ATP2B2: variants seen among roughly 807,000 people sequenced by gnomAD.
ATP2B2 encodes the protein ATPase plasma membrane Ca2+ transporting 2.
In ATP2B2, 15 loss-of-function variants were observed where a neutral mutation model predicts 120.0. The ratio of observed to expected loss-of-function variants is 0.12; its 90% CI spans 0.08 to 0.19. ATP2B2 has a LOEUF of 0.19. Among genes scored for constraint, ATP2B2 ranks in the 10% least tolerant of loss-of-function variants. The probability of loss-of-function intolerance (pLI) is 1.00; values close to 1 mark genes in which losing one functional copy is unlikely to be tolerated. For synonymous variants in ATP2B2, 694 were observed against 700.3 expected (o/e 0.99, Z 0.14); for missense variants, 1,045 against 1,719.8 (o/e 0.61, Z 6.94).
intron 3 of ATP2B2, among the ~76,000 whole-genome samples, chr3:10,406,922 T>C (rs780447682): frequency 3.3e-5 from 5 of 152,230 alleles, no homozygotes; most frequent in Non-Finnish European, 7.3e-5. Flanking sequence ...TGCTTTGTCA[T>C]CTGCTAAGAG....
At chr3:10,678,624 C>T (rs560584956) in intron 1 of ATP2B2, among the ~76,000 whole-genome samples, 3 of 152,280 alleles carry the variant, frequency 2.0e-5, no homozygotes, top group African/African-American at 4.8e-5. Flanking sequence ...TTAAGAGCTC[C>T]TGGAAGCAGG....
At chr3:10,331,812 G>A in intron 22 of ATP2B2, 1 of 552,978 alleles carries the variant, frequency 1.8e-6, no homozygotes. Context: ...GGTTTCGTCA[G>A]CACAAAGGGA....
At chr3:10,351,744 C>T (rs2060585047) in intron 14 of ATP2B2, among the ~76,000 whole-genome samples, 2 of 152,166 alleles carry the variant, frequency 1.3e-5, no homozygotes, top group Admixed American at 1.3e-4. Context: ...GGAATGGTGT[C>T]CTTATAAAGA....
chr3:10,693,907 G>A (rs71316416), intron 1 of ATP2B2, among the ~76,000 whole-genome samples: 4,985 of 152,262 alleles, frequency 0.033, 135 homozygotes, highest in South Asian at 0.13. Context: ...CTCTCTGGGC[G>A]TGGGACCATG....
At chr3:10,647,603 T>G (rs1184716139) in intron 1 of ATP2B2, among the ~76,000 whole-genome samples, 3 of 151,918 alleles carry the variant, frequency 2.0e-5, no homozygotes, top group Non-Finnish European at 4.4e-5. Flanking sequence ...CCTGGTAAGG[T>G]TTCGGAGAAT....
intron 2 of ATP2B2, among the ~76,000 whole-genome samples, chr3:10,537,742 G>A (rs1311225479): frequency 6.6e-6 from 1 of 152,138 alleles, no homozygotes; most frequent in African/African-American, 2.4e-5. Context: ...TGGCATCCTT[G>A]TCTTGTTCCC....
Position 10,695,070 on chromosome 3 carries a change from T to C in ATP2B2, c.-460+12845A>G, listed in dbSNP as rs114347100. On this transcript the variant is annotated intron_variant, in intron 1 of 21. Coordinates refer to the ATP2B2 transcript ENST00000646379. ...ACAGTGTCACTAGAAATGACACTGC[T>C]GTATGAGTCTGTTTTCATGCTGCCG... Among the ~76,000 whole-genome samples the C allele has an allele frequency of 4.9e-3, 744 of 152,240 alleles. 6 individuals are homozygous for C. Among genetic ancestry groups the C allele is most frequent in the African/African-American group, 0.017 (719 of 41,526 alleles).
At chr3:10,434,759 C>G (rs867625570) in intron 2 of ATP2B2, among the ~76,000 whole-genome samples, 42 of 152,244 alleles carry the variant, frequency 2.8e-4, no homozygotes, top group African/African-American at 7.7e-4. Flanking sequence ...TTTGATTTAT[C>G]TACTTATAGC....
At chr3:10,378,567 T>C (rs1375279218) in intron 9 of ATP2B2, among the ~76,000 whole-genome samples, 157 bp from the exon 10 acceptor site, 1 of 152,192 alleles carries the variant, frequency 6.6e-6, no homozygotes, top group Non-Finnish European at 1.5e-5. Context: ...AGAAGTCCTG[T>C]GATGGGGGCC....
rs949116871 is a variant in ATP2B2 at position 10,402,541 on chromosome 3, C to T, written c.398-193G>A. On this transcript the variant is annotated intron_variant, in intron 3 of 22. Transcript: ENST00000360273. This position sits in a 1 kb window ranked among gnomAD's most constrained non-coding sequence, Gnocchi z 4.9. ...CGCAGATCATCTCACAGGGTATTCC[C>T]GCTGCCCATTTCACAGATGTGGAAG... is the stretch of plus-strand genomic sequence containing the variant. Among the ~76,000 whole-genome samples, 34 of 152,262 alleles carry T rather than the reference C, an allele frequency of 2.2e-4. No individual in the cohort carries two copies. The highest frequency in any genetic ancestry group is 8.2e-4 in the African/African-American group (34 of 41,470).
intron 5 of ATP2B2, among the ~76,000 whole-genome samples, chr3:10,392,412 G>A (rs1209192651): frequency 1.3e-5 from 2 of 152,192 alleles, no homozygotes; most frequent in Non-Finnish European, 2.9e-5. Context: ...CAAAGGACTG[G>A]GGCATTCCCT....
At chr3:10,349,634 G>A (rs1354193560) in intron 16 of ATP2B2, among the ~76,000 whole-genome samples, 1 of 151,880 alleles carries the variant, frequency 6.6e-6, no homozygotes, top group Non-Finnish European at 1.5e-5. Context: ...GTTGGTTGGG[G>A]GCCTCAGGGA....
chr3:10,623,046 G>A (rs2069593819), intron 1 of ATP2B2, among the ~76,000 whole-genome samples: 1 of 147,968 alleles, frequency 6.8e-6, no homozygotes, highest in Admixed American at 6.9e-5. Context: ...GCCTGGCCTT[G>A]GTCAGCTCTT....
intron 1 of ATP2B2, among the ~76,000 whole-genome samples, chr3:10,678,747 T>C (rs980865758): frequency 6.6e-6 from 1 of 152,150 alleles, no homozygotes; most frequent in African/African-American, 2.4e-5. Context: ...GTGGGGATAA[T>C]AATAGTACCA....
chr3:10,340,367 G>A lies in ATP2B2; in HGVS notation c.3130-18C>T. On this transcript the variant is annotated intron_variant, in intron 20 of 22. Coordinates refer to ENST00000360273, the MANE Select transcript of ATP2B2 (RefSeq NM_001001331.4). This position sits in a 1 kb window ranked among gnomAD's most constrained non-coding sequence, Gnocchi z 5.0. ...ATCACTATCTGGAGGTCACAGGGGA[G>A]CAGAGAAAGAGAGAGAGAGAGGCCA... 2 of 1,613,480 alleles carry A rather than the reference G, an allele frequency of 1.2e-6. No homozygotes were observed. Among genetic ancestry groups the A allele is most frequent in the Non-Finnish European group, 1.7e-6 (2 of 1,179,472 alleles).
intron 3 of ATP2B2, among the ~76,000 whole-genome samples, chr3:10,404,884 A>G (rs561253165): frequency 3.5e-4 from 54 of 152,264 alleles, no homozygotes; most frequent in African/African-American, 1.3e-3. Flanking sequence ...TGCATTTTAC[A>G]AGACTTTTGT....
intron 1 of ATP2B2, among the ~76,000 whole-genome samples, chr3:10,458,088 C>T (rs1038894222): frequency 4.6e-5 from 7 of 152,004 alleles, no homozygotes; most frequent in Non-Finnish European, 8.8e-5. Flanking sequence ...TCTATCCATC[C>T]GTTCGTCCAT....
At position 10,343,779 on chromosome 3, in the gene ATP2B2, C is replaced by T. The variant is rs1190269520; in HGVS notation, c.2704-814G>A. Among the ~76,000 whole-genome samples the T allele has an allele frequency of 1.3e-5, 2 of 152,128 alleles. No individual in the cohort carries two copies. The highest frequency in any genetic ancestry group is 2.4e-5 in the African/African-American group (1 of 41,408). ...CTTCTCGGCCAGATGTCACTGACCT[C>T]GCCCCTGCACTCCCACTTGTAATCC... On this transcript the variant is annotated intron_variant, in intron 18 of 22. Transcript: ENST00000360273. The surrounding 1 kb of genome is among the most constrained non-coding windows in gnomAD (Gnocchi z 4.2).
At chr3:10,408,641 C>T (rs1442556468) in intron 3 of ATP2B2, among the ~76,000 whole-genome samples, 1 of 152,190 alleles carries the variant, frequency 6.6e-6, no homozygotes, top group African/African-American at 2.4e-5. Flanking sequence ...TACAGTCTAA[C>T]GTAGCTTTGT....
Sources: allele counts gnomAD v4.1 joint callset (sites outside exome capture counted in the v4.1 genomes callset), GRCh38; gene constraint gnomAD v4.1.1; non-coding constraint Gnocchi (gnomAD v3.1); transcripts MANE v1.5; gene names NCBI Gene and HGNC (gene_info 2026-07-23, HGNC 2026-07-21).